The following PPM1E variants were observed in gnomAD, a reference collection of about 807,000 sequenced individuals.
The protein encoded by PPM1E is protein phosphatase, Mg2+/Mn2+ dependent 1E.
PPM1E carries 20 observed loss-of-function variants against 65.9 expected under a neutral mutation model. The ratio of observed to expected loss-of-function variants is 0.30; its 90% CI spans 0.21 to 0.44. The LOEUF is 0.44. Among genes scored for constraint, PPM1E ranks in the 20% least tolerant of loss-of-function variants. PPM1E has a pLI of 1.00. For synonymous variants in PPM1E, 352 were observed against 374.9 expected (o/e 0.94, Z 0.70); for missense variants, 713 against 953.1 (o/e 0.75, Z 3.32).
chr17:58,955,458 C>T (rs1014680252), intron 1 of PPM1E, 191 bp from the exon 2 acceptor site: 10 of 656,322 alleles, frequency 1.5e-5, no homozygotes, highest in South Asian at 6.8e-5. Context: ...GGTAAGGAGC[C>T]ATGTCTGTGT....
intron 1 of PPM1E, among the ~76,000 whole-genome samples, chr17:58,852,251 G>GGGTGAAGCA (rs2050834274): frequency 6.6e-6 from 1 of 152,088 alleles, no homozygotes; most frequent in East Asian, 1.9e-4. Flanking sequence ...GCCCCACCCT[G>GGGTGAAGCA]CTCCGTGGGC....
At chr17:58,872,481 C>G (rs2051082264) in intron 1 of PPM1E, among the ~76,000 whole-genome samples, 1 of 152,156 alleles carries the variant, frequency 6.6e-6, no homozygotes, top group Non-Finnish European at 1.5e-5. Flanking sequence ...ACAGATATCA[C>G]TGGAGGTCTG....
At chr17:58,923,742 G>A (rs1276599779) in intron 1 of PPM1E, among the ~76,000 whole-genome samples, 4 of 134,046 alleles carry the variant, frequency 3.0e-5, no homozygotes, top group South Asian at 2.5e-4. Context: ...GTAAGACTTC[G>A]TCTCAAAAAA....
At chr17:58,941,641 C>G (rs896893528) in intron 1 of PPM1E, among the ~76,000 whole-genome samples, 4 of 139,308 alleles carry the variant, frequency 2.9e-5, no homozygotes, top group Admixed American at 7.8e-5. Flanking sequence ...TGCAGTGAGC[C>G]GAGATCATGT....
At chr17:58,919,528 G>A (rs1298836139) in intron 1 of PPM1E, among the ~76,000 whole-genome samples, 1 of 152,184 alleles carries the variant, frequency 6.6e-6, no homozygotes, top group Non-Finnish European at 1.5e-5. Context: ...GCTCACACCT[G>A]TAATCCCAGC....
intron 1 of PPM1E, among the ~76,000 whole-genome samples, chr17:58,812,734 GT>G (rs1345669381): frequency 6.6e-6 from 1 of 151,698 alleles, no homozygotes; most frequent in East Asian, 1.9e-4. Context: ...TTTGTTTTTT[GT>G]TTTTGTTTTT....
At chr17:58,808,514 G>A (rs950160472) in intron 1 of PPM1E, among the ~76,000 whole-genome samples, 2 of 151,784 alleles carry the variant, frequency 1.3e-5, no homozygotes, top group Non-Finnish European at 2.9e-5. Flanking sequence ...TTCTTCCTAT[G>A]TATTTATGTG....
At chr17:58,926,336 TAAA>T (rs61085833) in intron 1 of PPM1E, among the ~76,000 whole-genome samples, 1 of 136,762 alleles carries the variant, frequency 7.3e-6, no homozygotes. Flanking sequence ...TTGTCTAAAT[TAAA>T]AAAAAAAAAA....
intron 1 of PPM1E, among the ~76,000 whole-genome samples, chr17:58,925,589 T>C (rs1250432483): frequency 6.6e-6 from 1 of 151,876 alleles, no homozygotes; most frequent in Non-Finnish European, 1.5e-5. Context: ...TACAGGCGCC[T>C]ACCACCATGC....
chr17:58,823,603 T>G (rs2050502484), intron 1 of PPM1E, among the ~76,000 whole-genome samples: 1 of 152,186 alleles, frequency 6.6e-6, no homozygotes, highest in South Asian at 2.1e-4. Flanking sequence ...TTTTGTATAT[T>G]TTTAAATTAT....
At chr17:58,875,380 C>G (rs118003831) in intron 1 of PPM1E, among the ~76,000 whole-genome samples, 177 of 152,230 alleles carry the variant, frequency 1.2e-3, no homozygotes, top group Non-Finnish European at 1.9e-3. Context: ...TTCTCTTGAT[C>G]TTGGCTGAAA....
intron 1 of PPM1E, among the ~76,000 whole-genome samples, chr17:58,914,210 C>G (rs553982680): frequency 6.6e-6 from 1 of 152,196 alleles, no homozygotes; most frequent in Non-Finnish European, 1.5e-5. Context: ...ATTTTAACAT[C>G]TTACATTATC....
intron 1 of PPM1E, among the ~76,000 whole-genome samples, chr17:58,887,807 G>T (rs1409714014): frequency 6.6e-6 from 1 of 152,184 alleles, no homozygotes; most frequent in East Asian, 1.9e-4. Context: ...ATCATTCTGG[G>T]TGCTGTGTGG....
At chr17:58,824,393 C>A (rs1296362540) in intron 1 of PPM1E, among the ~76,000 whole-genome samples, 2 of 152,042 alleles carry the variant, frequency 1.3e-5, no homozygotes, top group Non-Finnish European at 2.9e-5. Flanking sequence ...GCAGGATAAA[C>A]CTTTTATTTT....
chr17:58,799,481 C>T (rs1191340148), intron 1 of PPM1E, among the ~76,000 whole-genome samples: 1 of 151,990 alleles, frequency 6.6e-6, no homozygotes, highest in Non-Finnish European at 1.5e-5. Context: ...CTTGCTCTGT[C>T]ACCCAGGCTG....
intron 1 of PPM1E, among the ~76,000 whole-genome samples, chr17:58,864,504 G>T (rs900473028): frequency 2.6e-5 from 4 of 152,154 alleles, no homozygotes; most frequent in Non-Finnish European, 5.9e-5. Flanking sequence ...GCCAGGTGTG[G>T]TGGCTTGCGC....
At chr17:58,850,310 C>A (rs2050813736) in intron 1 of PPM1E, among the ~76,000 whole-genome samples, 2 of 152,222 alleles carry the variant, frequency 1.3e-5, no homozygotes, top group South Asian at 4.1e-4. Flanking sequence ...TGAATTTGAT[C>A]CTGTCATTAT....
In PPM1E at chr17:58,903,503, TG is replaced by T. The variant is rs1209207260; in HGVS notation, c.465-52145del. On this transcript the variant is annotated intron_variant, in intron 1 of 6. Transcript: ENST00000308249. ...TACAAATAACTTCTGCTTTCCAGTC[TG>T]TAACTCAGATCTTCTGTAAATAATG... Among the ~76,000 whole-genome samples the T allele has an allele frequency of 3.9e-5, 6 of 152,348 alleles. No homozygotes were observed. The East Asian group carries it at 1.2e-3, about 29-fold the overall frequency.
chr17:58,876,086 A>G (rs1449607304), intron 1 of PPM1E, among the ~76,000 whole-genome samples: 1 of 152,202 alleles, frequency 6.6e-6, no homozygotes, highest in Non-Finnish European at 1.5e-5. Flanking sequence ...TATTATGAAC[A>G]TAATTTTTTC....
Sources: gnomAD v4.1 joint callset for allele counts (sites outside exome capture counted in the v4.1 genomes callset) on GRCh38, gnomAD v4.1.1 for gene constraint, MANE v1.5 for transcripts, NCBI Gene and HGNC (gene_info 2026-07-23, HGNC 2026-07-21) for gene names.